PKM: variants seen among roughly 807,000 people sequenced by gnomAD.
The protein encoded by PKM is pyruvate kinase M1/2.
PKM carries 18 observed loss-of-function variants against 49.8 expected under a neutral mutation model. The ratio of observed to expected loss-of-function variants is 0.36; its 90% CI spans 0.25 to 0.54. The LOEUF is 0.54. Ranked by LOEUF, PKM falls within the 20% of genes least tolerant of loss-of-function variation. The pLI is 0.89. For synonymous variants in PKM, 239 were observed against 261.8 expected (o/e 0.91, Z 0.84); for missense variants, 508 against 713.8 (o/e 0.71, Z 3.28).
intron 6 of PKM, among the ~76,000 whole-genome samples, chr15:72,208,079 C>T (rs1255208082): frequency 1.3e-5 from 2 of 152,216 alleles, no homozygotes; most frequent in East Asian, 3.9e-4. Context: ...AACCACACAT[C>T]TTCCTCTGAG....
chr15:72,209,493 A>G (rs2082187614), intron 5 of PKM, 180 bp downstream of exon 5: 1 of 513,240 alleles, frequency 1.9e-6, no homozygotes. Flanking sequence ...GAACCAGAAG[A>G]ATGTAACTAT....
Position 72,199,346 on chromosome 15 carries a change from T to C in PKM, c.*304A>G. ...TTTTTTCTAAAGGAACTGGACAGAGTACACACAGGAAAGGAAGCTGTCACC... is the reference window on the plus strand; with the variant it reads ...TTTTTTCTAAAGGAACTGGACAGAGCACACACAGGAAAGGAAGCTGTCACC... On this transcript the variant is annotated 3_prime_UTR_variant, in exon 11 of 11. Transcript: ENST00000335181. The C allele has an allele frequency of 1.7e-6, 1 of 575,790 alleles. No homozygotes were observed. The highest frequency in any genetic ancestry group is 3.3e-6 in the Non-Finnish European group (1 of 307,186). 35.7% of individuals were successfully genotyped at this position (575,790 alleles called of 1,614,324 possible).
intron 1 of PKM, 188 bp downstream of exon 1, chr15:72,230,928 T>C (rs1043387698): frequency 1.6e-6 from 2 of 1,287,412 alleles, no homozygotes; most frequent in Non-Finnish European, 2.0e-6. Flanking sequence ...CGCTGGGGAC[T>C]TCTGAAGAGC....
At chr15:72,206,069 CTCTA>C (rs2082070526) in intron 8 of PKM, among the ~76,000 whole-genome samples, 1 of 152,246 alleles carries the variant, frequency 6.6e-6, no homozygotes, top group Non-Finnish European at 1.5e-5. Context: ...TCCCCGCTGT[CTCTA>C]TCTGTGGCCC....
At chr15:72,204,028 C>G (rs1237624500) in intron 8 of PKM, 1 of 152,116 alleles carries the variant, frequency 6.6e-6, no homozygotes. Context: ...AGGGAAGAAT[C>G]GGTAATACCC....
intron 4 of PKM, 24 bp downstream of exon 4, chr15:72,210,323 C>T: frequency 6.2e-7 from 1 of 1,611,608 alleles, no homozygotes; most frequent in Non-Finnish European, 8.5e-7. Context: ...TGAGCCTTCC[C>T]CTCGCTCTCC....
intron 1 of PKM, chr15:72,230,893 G>A: frequency 7.8e-7 from 1 of 1,282,032 alleles, no homozygotes; most frequent in Middle Eastern, 2.7e-4. Context: ...GGAGCCGGCG[G>A]ACCCGCCTGA....
chr15:72,217,354 C>G (rs2082400818), intron 3 of PKM, 55 bp downstream of exon 3: 5 of 1,036,208 alleles, frequency 4.8e-6, no homozygotes, highest in African/African-American at 4.7e-5. Flanking sequence ...CACTGCACCC[C>G]CTCCCTGTTT....
At chr15:72,215,200 CA>C (rs35057170) in intron 3 of PKM, among the ~76,000 whole-genome samples, 30,183 of 144,402 alleles carry the variant, frequency 0.21, 3,207 homozygotes, top group East Asian at 0.42. Flanking sequence ...GATTCTGTCT[CA>C]AAAAAAAAAA....
intron 3 of PKM, among the ~76,000 whole-genome samples, chr15:72,211,693 T>C (rs1002315910): frequency 2.0e-5 from 3 of 151,444 alleles, no homozygotes; most frequent in African/African-American, 7.3e-5. Context: ...GGTGCGTGCC[T>C]GGGGTCCCAG....
chr15:72,221,214 T>C, intron 1 of PKM: 1 of 1,535,618 alleles, frequency 6.5e-7, no homozygotes, highest in Non-Finnish European at 8.7e-7. Flanking sequence ...TGCTCCCCTT[T>C]TGGCTCAGGG....
chr15:72,218,856 T>C, intron 2 of PKM, 88 bp downstream of exon 2: 1 of 1,365,646 alleles, frequency 7.3e-7, no homozygotes, highest in Non-Finnish European at 1.0e-6. Flanking sequence ...AGCACCTAGG[T>C]TTGTTAGGAC....
intron 8 of PKM, chr15:72,204,546 C>T (rs2082025025): frequency 6.6e-6 from 1 of 152,162 alleles, no homozygotes; most frequent in African/African-American, 2.4e-5. Context: ...GCTTTGGAGG[C>T]AGTAGACCTA....
Position 72,231,186 on chromosome 15 carries a change from T to C in PKM, c.-84A>G, listed in dbSNP as rs986534126. ...CCGGAGCCACGGCGCGTGCAGCTGC[T>C]GTGCAAGGAGCCACTGCCTCAGCCT... On this transcript the variant is annotated 5_prime_UTR_variant, in exon 1 of 11. Coordinates refer to ENST00000335181, the MANE Select transcript of PKM (RefSeq NM_002654.6). 7.2e-6 allele frequency: 2 copies of C among 277,242 alleles called. No individual in the cohort carries two copies. Among genetic ancestry groups the C allele is most frequent in the Non-Finnish European group, 1.5e-5 (2 of 131,680 alleles). 17.2% of individuals were successfully genotyped at this position (277,242 alleles called of 1,614,324 possible). A position where few individuals can be genotyped will look rare whatever the true frequency, so the allele number is the denominator to read the frequency against.
At chr15:72,212,669 C>T (rs1437308482) in intron 3 of PKM, among the ~76,000 whole-genome samples, 1 of 152,150 alleles carries the variant, frequency 6.6e-6, no homozygotes, top group Non-Finnish European at 1.5e-5. Context: ...CTGAGTTCCA[C>T]TACAGCTGTG....
In PKM at chr15:72,217,397, G is replaced by A; in HGVS notation, c.246+12C>T. 1.3e-6 allele frequency: 2 copies of A among 1,564,548 alleles called. No homozygotes were observed. The highest frequency in any genetic ancestry group is 1.8e-6 in the Non-Finnish European group (2 of 1,134,930). The stretch of plus-strand genomic sequence containing the variant: ...GCCATCACAATGGCCATAGGGTCCA[G>A]CCACAGCTCACCTCATGAGTTCCAT... On this transcript the variant is annotated intron_variant, in intron 3 of 10. Coordinates refer to ENST00000335181, the MANE Select transcript of PKM (RefSeq NM_002654.6).
At position 72,200,678 on chromosome 15, in the gene PKM, C is replaced by T. The variant is rs767921028; in HGVS notation, c.1308-23G>A. On this transcript the variant is annotated intron_variant, in intron 9 of 10. Transcript: ENST00000335181. This position sits in a 1 kb window ranked among gnomAD's most constrained non-coding sequence, Gnocchi z 4.6. Reference sequence around the variant, plus strand: ...GACCTGAGATGGGATGGGGGACATACAGAAGAGACCATTACACGAGGCCCC... The same window carrying T: ...GACCTGAGATGGGATGGGGGACATATAGAAGAGACCATTACACGAGGCCCC... 18 of 1,599,054 alleles carry T rather than the reference C, an allele frequency of 1.1e-5. No homozygotes were observed. The highest frequency in any genetic ancestry group is 1.5e-5 in the Non-Finnish European group (18 of 1,168,830).
Position 72,219,071 on chromosome 15 carries a change from C to G in PKM, c.27G>C (p.Gly9=). The G allele has an allele frequency of 6.2e-7, 1 of 1,614,148 alleles. No homozygotes were observed. Among genetic ancestry groups the G allele is most frequent in the Non-Finnish European group, 8.5e-7 (1 of 1,179,998 alleles). ...GCTGCTGGGTCTGAATGAAGGCAGT[C>G]CCGGCTTCACTATGGGGCTTCGACA... MSKPHSEA[G]TAFIQTQQLH... The change falls in exon 2 of 11, where the codon GGG becomes GGC. Residue 9 remains glycine, a synonymous_variant. Transcript: ENST00000335181.
At chr15:72,206,213 A>G (rs1478202782) in intron 8 of PKM, 2 of 165,858 alleles carry the variant, frequency 1.2e-5, no homozygotes, top group Admixed American at 5.6e-5. Context: ...TGAAGGCAAC[A>G]GACTCCAGTG....
Sources: gnomAD v4.1 joint callset for allele counts (sites outside exome capture counted in the v4.1 genomes callset) on GRCh38, gnomAD v4.1.1 for gene constraint, Gnocchi (gnomAD v3.1) non-coding constraint, MANE v1.5 for transcripts, NCBI Gene and HGNC (gene_info 2026-07-23, HGNC 2026-07-21) for gene names.